Variants in SETX observed in about 807,000 individuals in gnomAD.
SETX encodes senataxin.
In SETX, 90 loss-of-function variants were observed where a neutral mutation model predicts 227.2. The observed-to-expected ratio is 0.40, with a 90% CI of 0.33 to 0.47. The LOEUF is 0.47. Ranked by LOEUF, SETX falls within the 20% of genes least tolerant of loss-of-function variation. The pLI is 0.91. For missense variants in SETX, 3,052 were observed against 3,181.5 expected (o/e 0.96, Z 0.98); for synonymous variants, 1,210 against 1,113.2 (o/e 1.09, Z -1.73).
chr9:132,275,421 C>T lies in SETX; in HGVS notation c.6936-1G>A, dbSNP rs780555898. 1 of 1,593,354 alleles carries T rather than the reference C, an allele frequency of 6.3e-7. No individual in the cohort carries two copies. Among genetic ancestry groups the T allele is most frequent in the Non-Finnish European group, 8.6e-7 (1 of 1,162,582 alleles). On this transcript the variant is annotated splice_acceptor_variant, in intron 22 of 25. Coordinates refer to ENST00000224140, the MANE Select transcript of SETX (RefSeq NM_015046.7). LOFTEE classifies it high-confidence loss of function. ...TATTTCTTGAACATTTATATATGAG[C>T]TAAACAAGATGGAAAAAGAAAACAC...
At chr9:132,311,553 C>G (rs1161090109) in intron 11 of SETX, among the ~76,000 whole-genome samples, 1 of 152,094 alleles carries the variant, frequency 6.6e-6, no homozygotes, top group African/African-American at 2.4e-5. Context: ...ATTCTAACTA[C>G]AGAGTGGGGA....
chr9:132,300,171 G>A (rs915935934), intron 12 of SETX, among the ~76,000 whole-genome samples: 2 of 146,538 alleles, frequency 1.4e-5, no homozygotes, highest in African/African-American at 5.0e-5. Flanking sequence ...AAGTCTCACT[G>A]CATACATCTG....
chr9:132,328,929 T>C lies in SETX; in HGVS notation c.2669A>G (p.His890Arg), dbSNP rs2131450125. The C allele has an allele frequency of 1.2e-6, 2 of 1,612,792 alleles. No homozygotes were observed. The highest frequency in any genetic ancestry group is 1.7e-6 in the Non-Finnish European group (2 of 1,179,684). Residue 890 changes from histidine (H) to arginine (R), a missense_variant, in exon 10 of 26, where the codon CAT becomes CGT. His to Arg is a conservative substitution (Grantham distance 29). Around this residue, in one of 10 missense-constraint regions of SETX, gnomAD observed 1,483 missense variants for 1,312.0 expected, o/e 1.13. Transcript: ENST00000224140. ...HENNCKIQEF[H>R]VDGKELIPFT... Reference sequence around the variant, plus strand: ...AGGGATCAATTCTTTACCATCAACATGAAATTCCTGTATTTTACAATTGTT... The same window carrying C: ...AGGGATCAATTCTTTACCATCAACACGAAATTCCTGTATTTTACAATTGTT...
In SETX at chr9:132,331,264, T is replaced by C. The variant is rs748866350; in HGVS notation, c.1010+13A>G. On this transcript the variant is annotated intron_variant, in intron 8 of 25. Coordinates refer to ENST00000224140, the MANE Select transcript of SETX (RefSeq NM_015046.7). The stretch of plus-strand genomic sequence containing the variant: ...AGAGATGATGTTTAAATCCTGACAT[T>C]AGCTGAACTAACCTTACAGAGCTGT... The C allele has an allele frequency of 7.4e-6, 12 of 1,613,790 alleles. No individual in the cohort carries two copies. The East Asian group carries it at 1.8e-4, about 24-fold the overall frequency.
At position 132,300,812 on chromosome 9, in the gene SETX, CAAG is replaced by C. The variant is rs201317659; in HGVS notation, c.5375-12_5375-10del. The C allele has an allele frequency of 1.1e-3, 1,800 of 1,610,992 alleles. 21 individuals carry two copies. The African/African-American group carries it at 0.018, about 16-fold the overall frequency. ...ACATTCTTCCAGATAAACTATGAAA[CAAG>C]AAGAAGTCGGAATTCATATAACTCT... is the stretch of plus-strand genomic sequence containing the variant. On this transcript the variant is annotated splice_polypyrimidine_tract_variant and intron_variant, in intron 11 of 25. Transcript: ENST00000224140.
chr9:132,334,272 C>G (rs1177820869), intron 7 of SETX, among the ~76,000 whole-genome samples: 1 of 152,064 alleles, frequency 6.6e-6, no homozygotes, highest in Non-Finnish European at 1.5e-5. Context: ...GTGGTGAAAC[C>G]CCGTCTCTAC....
intron 18 of SETX, among the ~76,000 whole-genome samples, chr9:132,284,882 T>C (rs921735283): frequency 6.7e-6 from 1 of 149,840 alleles, no homozygotes; most frequent in Non-Finnish European, 1.5e-5. Context: ...ATTTTTTTTG[T>C]TGTTTTTTTT....
intron 2 of SETX, among the ~76,000 whole-genome samples, chr9:132,351,760 T>A (rs1022225514): frequency 1.2e-4 from 18 of 152,224 alleles, no homozygotes; most frequent in Non-Finnish European, 1.8e-4. Context: ...GTGAATCCTC[T>A]TAAGCTTTTA....
intron 13 of SETX, 104 bp from the exon 14 acceptor site, chr9:132,297,158 A>G: frequency 1.0e-6 from 1 of 961,562 alleles, no homozygotes; most frequent in East Asian, 2.6e-5. Flanking sequence ...AATGCATGAG[A>G]CAAAAGCTTT....
chr9:132,346,800 AT>A (rs1848318859), intron 3 of SETX, among the ~76,000 whole-genome samples: 1 of 151,022 alleles, frequency 6.6e-6, no homozygotes, highest in South Asian at 2.1e-4. Flanking sequence ...AAAAAAAAAA[AT>A]AGAAAAATTA....
intron 7 of SETX, among the ~76,000 whole-genome samples, chr9:132,333,416 T>TATATATATACAC (rs779955041): frequency 5.7e-5 from 5 of 88,092 alleles, no homozygotes; most frequent in African/African-American, 2.6e-4. Context: ...AAAATATATA[T>TATATATATACAC]ACACACACAC....
intron 13 of SETX, 53 bp downstream of exon 13, chr9:132,298,027 G>C (rs1246149336): frequency 1.4e-6 from 2 of 1,452,194 alleles, no homozygotes; most frequent in Admixed American, 1.7e-5. Flanking sequence ...TAAAAAATAT[G>C]ATGCTTTAAC....
In SETX at chr9:132,341,378, G is replaced by A. The variant is rs559262035; in HGVS notation, c.498+1312C>T. 7.9e-5 allele frequency among the ~76,000 whole-genome samples: 12 copies of A among 152,208 alleles called. No individual in the cohort carries two copies. The South Asian group carries it at 1.0e-3, about 13-fold the overall frequency. ...TGGTCTTTGTTCTGTCAGAGCATGCGCTTTCCTCGTGTGTTTCAGGGATTT... is the reference window on the plus strand; with the variant it reads ...TGGTCTTTGTTCTGTCAGAGCATGCACTTTCCTCGTGTGTTTCAGGGATTT... On this transcript the variant is annotated intron_variant, in intron 5 of 25. Transcript: ENST00000224140.
intron 10 of SETX, among the ~76,000 whole-genome samples, chr9:132,325,739 C>A (rs1037673926): frequency 6.6e-6 from 1 of 151,972 alleles, no homozygotes; most frequent in Non-Finnish European, 1.5e-5. Flanking sequence ...TCAAGACCAG[C>A]CTGACCAACA....
chr9:132,326,810 A>T lies in SETX; in HGVS notation c.4788T>A (p.Thr1596=). The part of the protein sequence containing the change: ...PPASKPLRPT[T]KIFSSKSTSR... The stretch of plus-strand genomic sequence containing the variant: ...AAGTACTCTTTGAGCTAAAAATCTT[A>T]GTGGTAGGTCTCAAAGGTTTAGATG... The change falls in exon 10 of 26, where the codon ACT becomes ACA. Residue 1596 remains threonine, a synonymous_variant. Transcript: ENST00000224140. 6.2e-7 allele frequency: 1 copy of T among 1,614,204 alleles called. No homozygotes were observed. Among genetic ancestry groups the T allele is most frequent in the Non-Finnish European group, 8.5e-7 (1 of 1,180,030 alleles).
chr9:132,279,096 T>C (rs1364000132), intron 20 of SETX, among the ~76,000 whole-genome samples: 1 of 152,218 alleles, frequency 6.6e-6, no homozygotes, highest in East Asian at 1.9e-4. Flanking sequence ...TTTCAAATTT[T>C]TGAATTAGGA....
At chr9:132,286,626 C>T in intron 17 of SETX, 132 bp from the exon 18 acceptor site, 1 of 705,874 alleles carries the variant, frequency 1.4e-6, no homozygotes. Flanking sequence ...CTTATTTCCT[C>T]TTTACCACTG....
chr9:132,330,017 TG>T lies in SETX; in HGVS notation c.1580del (p.Pro527HisfsTer12). 1 of 1,614,206 alleles carries T rather than the reference TG, an allele frequency of 6.2e-7. No individual in the cohort carries two copies. Among genetic ancestry groups the T allele is most frequent in the Non-Finnish European group, 8.5e-7 (1 of 1,180,012 alleles). On this transcript the variant is annotated frameshift_variant, in exon 10 of 26. Coordinates refer to ENST00000224140, the MANE Select transcript of SETX (RefSeq NM_015046.7). LOFTEE classifies it high-confidence loss of function. ...CATAAGCAAGTTGTACAGAGTTAGA[TG>T]GCATGGAATGCAATGACAGTGAAGA... The part of the protein sequence containing the change: ...MISSLSLHSM[P>X]SNSVQLAYVQ...
chr9:132,349,213 T>G (rs1343135585), intron 3 of SETX, 39 bp downstream of exon 3: 1 of 1,590,876 alleles, frequency 6.3e-7, no homozygotes, highest in Non-Finnish European at 8.6e-7. Flanking sequence ...TTCCCAGCTA[T>G]CAAGCTCTGA....
Sources: gnomAD v4.1 joint callset for allele counts (sites outside exome capture counted in the v4.1 genomes callset) on GRCh38, gnomAD v4.1.1 for gene constraint, gnomAD v4.1.1 regional missense constraint, MANE v1.5 for transcripts, NCBI Gene and HGNC (gene_info 2026-07-23, HGNC 2026-07-21) for gene names.